GRM1: variants seen among roughly 807,000 people sequenced by gnomAD.
GRM1 encodes glutamate metabotropic receptor 1, also known as metabotropic glutamate receptor 1.
In GRM1, 33 loss-of-function variants were observed where a neutral mutation model predicts 90.9. The ratio of observed to expected loss-of-function variants is 0.36; its 90% CI spans 0.28 to 0.49. The LOEUF (loss-of-function observed/expected upper bound fraction) is 0.49, where lower values mean the gene tolerates loss of function less well. Ranked by LOEUF, GRM1 falls within the 20% of genes least tolerant of loss-of-function variation. The probability of loss-of-function intolerance (pLI) is 0.99; values close to 1 mark genes in which losing one functional copy is unlikely to be tolerated. For missense variants in GRM1, 1,190 were observed against 1,534.3 expected, an observed-to-expected ratio of 0.78 and a Z score of 3.75; for synonymous variants, 700 against 613.2, an observed-to-expected ratio of 1.14 and a Z score of -2.09.
chr6:146,228,124 T>G (rs79624468), intron 2 of GRM1, among the ~76,000 whole-genome samples: 60 of 152,330 alleles, frequency 3.9e-4, no homozygotes, highest in African/African-American at 1.4e-3. Context: ...AAACTAGTGC[T>G]TTGTCCTTCT....
At chr6:146,282,040 A>T (rs1782585514) in intron 2 of GRM1, among the ~76,000 whole-genome samples, 1 of 152,216 alleles carries the variant, frequency 6.6e-6, no homozygotes, top group African/African-American at 2.4e-5. Context: ...CTTGGGAATC[A>T]TAAACAAGAA....
intron 1 of GRM1, among the ~76,000 whole-genome samples, chr6:146,047,177 C>T (rs1031441287): frequency 6.6e-6 from 1 of 151,928 alleles, no homozygotes; most frequent in African/African-American, 2.4e-5. Flanking sequence ...TTGAATTTGT[C>T]TTCCATCTGC....
chr6:146,349,781 T>C (rs866701202), intron 3 of GRM1, among the ~76,000 whole-genome samples: 32 of 152,214 alleles, frequency 2.1e-4, no homozygotes, highest in Admixed American at 1.2e-3. Context: ...CTTAAAAAAT[T>C]ACATAACTGT....
At chr6:146,120,275 C>G (rs542008224) in intron 1 of GRM1, among the ~76,000 whole-genome samples, 305 of 152,220 alleles carry the variant, frequency 2.0e-3, no homozygotes, top group African/African-American at 7.1e-3. Context: ...TGTGATTTTT[C>G]CACATTGATT....
chr6:146,412,120 C>G (rs1170002867), intron 7 of GRM1, among the ~76,000 whole-genome samples: 1 of 152,208 alleles, frequency 6.6e-6, no homozygotes, highest in Middle Eastern at 3.2e-3. Flanking sequence ...AGTCTTGTCT[C>G]CCCTTACAAG....
chr6:146,254,209 G>A (rs1265924514), intron 2 of GRM1, among the ~76,000 whole-genome samples: 1 of 152,130 alleles, frequency 6.6e-6, no homozygotes, highest in East Asian at 1.9e-4. Context: ...AACTGGTCTG[G>A]ATGCCACTGC....
intron 2 of GRM1, among the ~76,000 whole-genome samples, chr6:146,167,186 T>A (rs1777940280): frequency 6.6e-6 from 1 of 152,146 alleles, no homozygotes; most frequent in South Asian, 2.1e-4. Flanking sequence ...CAAAATACTT[T>A]TGAGATTCCT....
intron 5 of GRM1, among the ~76,000 whole-genome samples, chr6:146,365,748 C>T (rs538487374): frequency 2.0e-5 from 3 of 152,258 alleles, no homozygotes; most frequent in Non-Finnish European, 4.4e-5. Context: ...TAAGTGGCAA[C>T]ATCTTAGCGG....
At chr6:146,196,809 T>G (rs1779139644) in intron 2 of GRM1, among the ~76,000 whole-genome samples, 1 of 152,196 alleles carries the variant, frequency 6.6e-6, no homozygotes, top group Non-Finnish European at 1.5e-5. Flanking sequence ...GTTTCATTTA[T>G]ATATAATAAT....
At chr6:146,260,867 T>C (rs894400213) in intron 2 of GRM1, among the ~76,000 whole-genome samples, 2 of 149,202 alleles carry the variant, frequency 1.3e-5, no homozygotes, top group Non-Finnish European at 3.0e-5. Context: ...TTCAATTGAT[T>C]TTTCTATTTC....
In GRM1 at chr6:146,357,638, A is replaced by C; in HGVS notation, c.1546A>C (p.Lys516Gln). 6.2e-7 allele frequency: 1 copy of C among 1,614,096 alleles called. No individual in the cohort carries two copies. Residue 516 changes from lysine (K) to glutamine (Q), a missense_variant, in exon 5 of 8, where the codon AAG becomes CAG. Around this residue, in one of 10 missense-constraint regions of GRM1, gnomAD observed 414 missense variants for 598.4 expected, o/e 0.69. Transcript: ENST00000282753. ...TGATGATTACAAAATCCAGATGAAC[A>C]AGAGTGGAGTGGTGCGGTCTGTGTG... is the stretch of plus-strand genomic sequence containing the variant. ...NIDDYKIQMN[K>Q]SGVVRSVCSE...
At chr6:146,296,388 C>G (rs974915206) in intron 2 of GRM1, among the ~76,000 whole-genome samples, 1 of 152,170 alleles carries the variant, frequency 6.6e-6, no homozygotes, top group South Asian at 2.1e-4. Flanking sequence ...CTTGACATAT[C>G]CGTCACTACA....
At chr6:146,192,584 TC>T (rs1418013322) in intron 2 of GRM1, among the ~76,000 whole-genome samples, 1 of 152,198 alleles carries the variant, frequency 6.6e-6, no homozygotes, top group Admixed American at 6.5e-5. Flanking sequence ...ATCCTCCTGT[TC>T]CCTTCATTAT....
chr6:146,295,879 TCCTTCACCCTCAAGGGGG>T (rs1783159055), intron 2 of GRM1, among the ~76,000 whole-genome samples: 1 of 152,132 alleles, frequency 6.6e-6, no homozygotes, highest in African/African-American at 2.4e-5. Context: ...TCCTCTCCCA[TCCTTCACCCTCAAGGGGG>T]CCCCAGAGTC....
chr6:146,272,932 G>A (rs1027197276), intron 2 of GRM1, among the ~76,000 whole-genome samples: 2 of 152,114 alleles, frequency 1.3e-5, no homozygotes, highest in African/African-American at 4.8e-5. Context: ...TTCAGCAAGA[G>A]TATGACTATC....
In GRM1 at chr6:146,030,346, C is replaced by T. The variant is rs1174149473; in HGVS notation, c.700+129C>T. On this transcript the variant is annotated intron_variant, in intron 1 of 7. Coordinates refer to ENST00000282753, the MANE Select transcript of GRM1 (RefSeq NM_001278064.2). ...GGAACGGAGTTTACCCTTCTCAGTACTGCCCACCCAGGCATTGCCTTTTAT... is the reference window on the plus strand; with the variant it reads ...GGAACGGAGTTTACCCTTCTCAGTATTGCCCACCCAGGCATTGCCTTTTAT... 5 of 742,866 alleles carry T rather than the reference C, an allele frequency of 6.7e-6. No homozygotes were observed. The African/African-American group carries it at 8.6e-5, about 13-fold the overall frequency. 46.0% of individuals were successfully genotyped at this position (742,866 alleles called of 1,614,324 possible).
chr6:146,117,633 ACTAT>A (rs1309949514), intron 1 of GRM1, among the ~76,000 whole-genome samples: 5 of 151,770 alleles, frequency 3.3e-5, no homozygotes, highest in Admixed American at 6.6e-5. Flanking sequence ...ATTATGTTTC[ACTAT>A]CTACTACAAA....
intron 1 of GRM1, among the ~76,000 whole-genome samples, chr6:146,151,738 G>T (rs956639967): frequency 6.6e-6 from 1 of 152,024 alleles, no homozygotes; most frequent in African/African-American, 2.4e-5. Context: ...TCTCTCCTGA[G>T]ATCCCATTTT....
chr6:146,154,640 G>T (rs960229716), intron 1 of GRM1, among the ~76,000 whole-genome samples: 1 of 152,188 alleles, frequency 6.6e-6, no homozygotes, highest in African/African-American at 2.4e-5. Flanking sequence ...TGTCTTATTA[G>T]ATTTAATTAC....
Sources: gnomAD v4.1 joint callset for allele counts (sites outside exome capture counted in the v4.1 genomes callset) on GRCh38, gnomAD v4.1.1 for gene constraint, gnomAD v4.1.1 regional missense constraint, MANE v1.5 for transcripts, NCBI Gene and HGNC (gene_info 2026-07-23, HGNC 2026-07-21) for gene names.